The following HECW2 variants were observed in gnomAD, a reference collection of about 807,000 sequenced individuals.
HECW2 encodes HECT, C2 and WW domain containing E3 ubiquitin protein ligase 2.
A neutral mutation model predicts 175.2 loss-of-function variants in HECW2; 61 were observed. That is an observed-to-expected ratio of 0.35 (90% CI 0.28 to 0.43). HECW2 has a LOEUF of 0.43. Ranked by LOEUF, HECW2 falls within the 20% of genes least tolerant of loss-of-function variation. HECW2 has a pLI of 1.00. For synonymous variants in HECW2, 671 were observed against 731.0 expected (o/e 0.92, Z 1.32); for missense variants, 1,524 against 2,000.5 (o/e 0.76, Z 4.54).
intron 3 of HECW2, among the ~76,000 whole-genome samples, chr2:196,339,832 T>C (rs892686930): frequency 1.3e-5 from 2 of 152,242 alleles, no homozygotes; most frequent in African/African-American, 2.4e-5. Context: ...CAAGTAAGTG[T>C]AGATGAAGCT....
At chr2:196,557,984 A>G (rs956254104) in intron 1 of HECW2, among the ~76,000 whole-genome samples, 4 of 152,342 alleles carry the variant, frequency 2.6e-5, no homozygotes, top group Non-Finnish European at 1.5e-5. Context: ...GCCAAGCACC[A>G]TATACTAAAC....
intron 1 of HECW2, among the ~76,000 whole-genome samples, chr2:196,529,263 A>G (rs1024591453): frequency 6.6e-6 from 1 of 152,248 alleles, no homozygotes; most frequent in Non-Finnish European, 1.5e-5. Flanking sequence ...ATATGGTAAC[A>G]TATTTCAGGA....
At chr2:196,245,572 T>C (rs7575508) in intron 19 of HECW2, among the ~76,000 whole-genome samples, 95,402 of 152,032 alleles carry the variant, frequency 0.63, 30,240 homozygotes, top group Non-Finnish European at 0.67. Flanking sequence ...GCTGAGTTAG[T>C]GTGTTTATGG....
chr2:196,282,272 T>C (rs1690216766), intron 14 of HECW2, among the ~76,000 whole-genome samples: 1 of 152,204 alleles, frequency 6.6e-6, no homozygotes, highest in South Asian at 2.1e-4. Context: ...TCACCCATCC[T>C]ACCCTCTGAA....
intron 1 of HECW2, among the ~76,000 whole-genome samples, chr2:196,503,072 G>GC (rs1189833207): frequency 3.9e-5 from 6 of 152,264 alleles, no homozygotes; most frequent in African/African-American, 1.4e-4. Context: ...ACCACAAGGG[G>GC]CCTCACCTCT....
chr2:196,279,604 C>T (rs1278555447), intron 14 of HECW2, among the ~76,000 whole-genome samples: 1 of 152,180 alleles, frequency 6.6e-6, no homozygotes, highest in Non-Finnish European at 1.5e-5. Context: ...AATTACATCA[C>T]CACCCCAATA....
chr2:196,356,851 C>G (rs1254324045), intron 2 of HECW2, among the ~76,000 whole-genome samples: 1 of 152,118 alleles, frequency 6.6e-6, no homozygotes, highest in African/African-American at 2.4e-5. Flanking sequence ...TAGGGAATAA[C>G]AGTGTATGGT....
chr2:196,392,646 A>G (rs1283690211), intron 2 of HECW2, among the ~76,000 whole-genome samples: 1 of 152,208 alleles, frequency 6.6e-6, no homozygotes, highest in Non-Finnish European at 1.5e-5. Flanking sequence ...CAAAAATGCC[A>G]AATGCCACCA....
chr2:196,216,418 G>A (rs1172148649), intron 27 of HECW2, among the ~76,000 whole-genome samples: 1 of 152,076 alleles, frequency 6.6e-6, no homozygotes, highest in African/African-American at 2.4e-5. Flanking sequence ...ATCCAAAGGA[G>A]CTAAGAGTAC....
At chr2:196,321,581 G>C (rs1357930903) in intron 7 of HECW2, among the ~76,000 whole-genome samples, 3 of 151,916 alleles carry the variant, frequency 2.0e-5, no homozygotes, top group Non-Finnish European at 4.4e-5. Flanking sequence ...TGTATTTTTA[G>C]TAGAGACAGG....
At chr2:196,522,137 A>C (rs536699539) in intron 1 of HECW2, among the ~76,000 whole-genome samples, 16 of 152,106 alleles carry the variant, frequency 1.1e-4, no homozygotes, top group Non-Finnish European at 2.2e-4. Context: ...CATCCTCTCC[A>C]GCATCTGTTG....
chr2:196,320,787 G>C (rs1691911915), intron 7 of HECW2, among the ~76,000 whole-genome samples: 1 of 152,186 alleles, frequency 6.6e-6, no homozygotes, highest in African/African-American at 2.4e-5. Context: ...GTTGTGAAAG[G>C]CCTCAAGTTT....
intron 1 of HECW2, among the ~76,000 whole-genome samples, chr2:196,545,959 T>C (rs1193555132): frequency 6.6e-6 from 1 of 152,228 alleles, no homozygotes; most frequent in Non-Finnish European, 1.5e-5. Flanking sequence ...ACTGAATAGT[T>C]TCCAAGTATA....
At chr2:196,295,811 C>A (rs1690788807) in intron 13 of HECW2, among the ~76,000 whole-genome samples, 1 of 152,178 alleles carries the variant, frequency 6.6e-6, no homozygotes, top group Non-Finnish European at 1.5e-5. Context: ...GCACAGAAAT[C>A]TTAAGGCTGG....
chr2:196,403,211 T>C (rs1317873274), intron 2 of HECW2, among the ~76,000 whole-genome samples: 1 of 151,994 alleles, frequency 6.6e-6, no homozygotes, highest in Non-Finnish European at 1.5e-5. Context: ...AAGTACTAAA[T>C]AGCCACAGGC....
At chr2:196,489,811 C>T (rs1474726249) in intron 1 of HECW2, among the ~76,000 whole-genome samples, 3 of 152,198 alleles carry the variant, frequency 2.0e-5, no homozygotes, top group African/African-American at 7.2e-5. Context: ...ACACTTTAGC[C>T]TCCATTATCA....
At chr2:196,411,692 G>C (rs1695114943) in intron 2 of HECW2, among the ~76,000 whole-genome samples, 1 of 152,220 alleles carries the variant, frequency 6.6e-6, no homozygotes, top group Non-Finnish European at 1.5e-5. Flanking sequence ...TTTTTAATTA[G>C]AAACTTGGAG....
At chr2:196,264,675 T>C (rs772194436) in intron 17 of HECW2, among the ~76,000 whole-genome samples, 2 of 152,230 alleles carry the variant, frequency 1.3e-5, no homozygotes, top group Non-Finnish European at 2.9e-5. Flanking sequence ...TTTAGGTGAT[T>C]GACTGTCCAG....
intron 2 of HECW2, among the ~76,000 whole-genome samples, chr2:196,383,725 G>A (rs1432661748): frequency 6.6e-6 from 1 of 152,228 alleles, no homozygotes; most frequent in Non-Finnish European, 1.5e-5. Flanking sequence ...AAGCTAGGCT[G>A]AGGTGGGCTG....
Sources: gnomAD v4.1 joint callset for allele counts (sites outside exome capture counted in the v4.1 genomes callset) on GRCh38, gnomAD v4.1.1 for gene constraint, MANE v1.5 for transcripts, NCBI Gene and HGNC (gene_info 2026-07-23, HGNC 2026-07-21) for gene names.